MED13: variants seen among roughly 807,000 people sequenced by gnomAD.
MED13 encodes mediator of RNA polymerase II transcription subunit 13.
Under a neutral mutation model 225.2 loss-of-function variants are expected in MED13, and 23 were observed. The ratio of observed to expected loss-of-function variants is 0.10; its 90% CI spans 0.07 to 0.14. The LOEUF is 0.14. MED13 is among the 10% of genes least tolerant of loss of function. The pLI is 1.00. For missense variants in MED13, 2,197 were observed against 2,594.5 expected (o/e 0.85, Z 3.33); for synonymous variants, 942 against 889.2 (o/e 1.06, Z -1.06).
intron 9 of MED13, chr17:62,006,196 C>G (rs2080445394): frequency 7.1e-6 from 1 of 141,390 alleles, no homozygotes; most frequent in Non-Finnish European, 1.5e-5. Context: ...GAGAAAAAAT[C>G]CGGACAGAAA....
intron 17 of MED13, among the ~76,000 whole-genome samples, chr17:61,968,464 T>C (rs1187502697): frequency 6.6e-6 from 1 of 152,198 alleles, no homozygotes; most frequent in African/African-American, 2.4e-5. Context: ...TAGCTGGGAC[T>C]GCAAGTGCCT....
At chr17:62,016,542 T>C (rs2080583417) in intron 8 of MED13, among the ~76,000 whole-genome samples, 1 of 152,232 alleles carries the variant, frequency 6.6e-6, no homozygotes, top group South Asian at 2.1e-4. Flanking sequence ...TAGCCACAAG[T>C]TACATGTAGC....
intron 9 of MED13, among the ~76,000 whole-genome samples, chr17:62,008,247 GGCGGAGCTTGCAGTGAGCAGGGATC>G (rs1305914969): frequency 6.8e-6 from 1 of 147,310 alleles, no homozygotes; most frequent in East Asian, 2.2e-4. Context: ...TGAACCAGGA[GGCGGAGCTTGCAGTGAGCAGGGATC>G]GCGCAACTGT....
Position 61,962,843 on chromosome 17 carries a change from G to T in MED13, c.4973C>A (p.Ser1658Tyr), listed in dbSNP as rs771938510. ...TAGCCCCAATGTCCACACACTAGAA[G>T]AGTTAGTGCTCTCGTCTGTATTTTC... ...TYENTDESTN[S>Y]SSVWTLGLLR... The change falls in exon 21 of 30, where the codon TCT becomes TAT. Residue 1658 changes from serine to tyrosine, a missense_variant. Ser to Tyr is a moderately radical substitution (Grantham distance 144). This residue lies in a region of MED13 where 457 missense variants were observed against 442.2 expected (regional missense o/e 1.03). Coordinates refer to ENST00000397786, the MANE Select transcript of MED13 (RefSeq NM_005121.3). 11 of 1,614,092 alleles carry T rather than the reference G, an allele frequency of 6.8e-6. No individual in the cohort carries two copies. Among genetic ancestry groups the T allele is most frequent in the Admixed American group, 1.7e-5 (1 of 60,014 alleles).
chr17:62,008,317 CAAAAAA>C (rs766909961), intron 9 of MED13, among the ~76,000 whole-genome samples: 25 of 33,206 alleles, frequency 7.5e-4, no homozygotes, highest in East Asian at 3.4e-3. Flanking sequence ...GGCTCTGTCT[CAAAAAA>C]AAAAAAAAAA....
chr17:62,032,417 T>C (rs1253138525), intron 5 of MED13: 2 of 142,170 alleles, frequency 1.4e-5, no homozygotes, highest in African/African-American at 5.3e-5. Context: ...GAGGTTGCAG[T>C]GAGCAGAGAT....
At chr17:62,043,959 G>C (rs533965756) in intron 3 of MED13, among the ~76,000 whole-genome samples, 27 of 151,982 alleles carry the variant, frequency 1.8e-4, no homozygotes, top group Non-Finnish European at 3.2e-4. Context: ...TAGATGACAG[G>C]AAGAGAGGAA....
intron 27 of MED13, among the ~76,000 whole-genome samples, chr17:61,951,422 G>A (rs766009010): frequency 6.6e-6 from 1 of 152,156 alleles, no homozygotes; most frequent in African/African-American, 2.4e-5. Context: ...AGTTAATAGT[G>A]TTGTGAAAAT....
At chr17:62,031,289 A>T (rs1276840376) in intron 6 of MED13, 155 bp downstream of exon 6, 1 of 635,286 alleles carries the variant, frequency 1.6e-6, no homozygotes. Context: ...GGAGTAAATA[A>T]TAACAGTTTG....
At position 62,015,815 on chromosome 17, in the gene MED13, T is replaced by TAC. The variant is rs1241409718; in HGVS notation, c.1284-4584_1284-4583dup. ...CACACACTATATATATCTATATATA[T>TAC]ACATACACACTATATATATACACAC... On this transcript the variant is annotated intron_variant, in intron 8 of 29. Transcript: ENST00000397786. Among the ~76,000 whole-genome samples the TAC allele has an allele frequency of 4.9e-4, 60 of 121,654 alleles. 1 individual carries two copies. The highest frequency in any genetic ancestry group is 7.2e-4 in the Non-Finnish European group (42 of 58,350). 79.8% of individuals were successfully genotyped at this position (121,654 alleles called of 152,430 possible). A position where few individuals can be genotyped will look rare whatever the true frequency, so the allele number is the denominator to read the frequency against.
At chr17:61,974,750 C>A (rs978634252) in intron 16 of MED13, among the ~76,000 whole-genome samples, 11 of 151,790 alleles carry the variant, frequency 7.2e-5, no homozygotes, top group African/African-American at 2.7e-4. Flanking sequence ...AAGTCAGAAC[C>A]CTTCCATATA....
chr17:62,058,437 C>G lies in MED13; in HGVS notation c.301+4630G>C, dbSNP rs112670974. 2.7e-3 allele frequency among the ~76,000 whole-genome samples: 399 copies of G among 148,884 alleles called. 1 individual carries two copies. Among genetic ancestry groups the G allele is most frequent in the African/African-American group, 9.5e-3 (385 of 40,494 alleles). On this transcript the variant is annotated intron_variant, in intron 2 of 29. Coordinates refer to ENST00000397786, the MANE Select transcript of MED13 (RefSeq NM_005121.3). The stretch of plus-strand genomic sequence containing the variant: ...TCGGGAGGCTGAGGCAGAAGGATCG[C>G]TTGAACCTGGGAGGCGGAGGTCGCA...
intron 26 of MED13, among the ~76,000 whole-genome samples, chr17:61,953,716 G>A (rs961430017): frequency 1.3e-5 from 2 of 152,210 alleles, no homozygotes; most frequent in African/African-American, 4.8e-5. Context: ...ATAAATGCGT[G>A]TTGTTTTAAG....
intron 8 of MED13, among the ~76,000 whole-genome samples, chr17:62,015,775 CTATA>C (rs202206950): frequency 7.3e-6 from 1 of 137,756 alleles, no homozygotes; most frequent in Admixed American, 7.6e-5. Context: ...TATACACACA[CTATA>C]TATATATACA....
At chr17:61,977,188 A>C (rs1232658727) in intron 16 of MED13, among the ~76,000 whole-genome samples, 1 of 152,206 alleles carries the variant, frequency 6.6e-6, no homozygotes, top group Non-Finnish European at 1.5e-5. Flanking sequence ...ACAATTAATA[A>C]ATTTTATTAT....
intron 9 of MED13, among the ~76,000 whole-genome samples, chr17:62,007,942 C>T (rs1290342298): frequency 6.7e-6 from 1 of 148,880 alleles, no homozygotes; most frequent in Non-Finnish European, 1.5e-5. Context: ...TGGCCTGAAC[C>T]CGGAAGGCAG....
intron 8 of MED13, among the ~76,000 whole-genome samples, chr17:62,019,508 C>A (rs570642267): frequency 6.6e-6 from 1 of 152,138 alleles, no homozygotes; most frequent in South Asian, 2.1e-4. Context: ...GAAATAGGAT[C>A]TCCATTCATC....
intron 22 of MED13, 115 bp from the exon 23 acceptor site, chr17:61,961,205 C>T: frequency 1.1e-6 from 1 of 941,974 alleles, no homozygotes; most frequent in Non-Finnish European, 1.6e-6. Context: ...GACAGCTAAG[C>T]CAAAAATTGC....
chr17:61,972,059 A>G (rs1435449257), intron 17 of MED13, among the ~76,000 whole-genome samples: 3 of 152,236 alleles, frequency 2.0e-5, no homozygotes, highest in African/African-American at 7.2e-5. Context: ...GGAGAAAAGG[A>G]AAATATAGGC....
Sources: gnomAD v4.1 joint callset for allele counts (sites outside exome capture counted in the v4.1 genomes callset) on GRCh38, gnomAD v4.1.1 for gene constraint, gnomAD v4.1.1 regional missense constraint, MANE v1.5 for transcripts, NCBI Gene and HGNC (gene_info 2026-07-23, HGNC 2026-07-21) for gene names.